Variants in SEC24A observed in about 807,000 individuals in gnomAD.
SEC24A encodes SEC24 homolog A, COPII component.
In SEC24A, 93 loss-of-function variants were observed where a neutral mutation model predicts 129.4. The ratio of observed to expected loss-of-function variants is 0.72; its 90% CI spans 0.61 to 0.85. SEC24A has a LOEUF of 0.85. SEC24A is among the 40% of genes least tolerant of loss of function. SEC24A has a pLI of 0.00. For synonymous variants in SEC24A, 460 were observed against 467.3 expected (o/e 0.98, Z 0.20); for missense variants, 1,264 against 1,307.4 (o/e 0.97, Z 0.51).
chr5:134,683,167 C>T (rs1751332939), intron 9 of SEC24A, among the ~76,000 whole-genome samples: 1 of 151,932 alleles, frequency 6.6e-6, no homozygotes, highest in African/African-American at 2.4e-5. Flanking sequence ...GGATTATAGG[C>T]GCGAGCCAAC....
rs560760476 is a variant in SEC24A, at chr5:134,686,681, C to T, written c.1492-109C>T. ...CTTTGCCTGTTTATTATAATCTCTA[C>T]TCAATCTGTAAATAATGCTTTTTAA... On this transcript the variant is annotated intron_variant, in intron 9 of 22. Coordinates refer to ENST00000398844, the MANE Select transcript of SEC24A (RefSeq NM_021982.3). The T allele has an allele frequency of 3.8e-5, 22 of 576,160 alleles. No individual in the cohort carries two copies. In the East Asian group the frequency reaches 6.5e-4, roughly 17 times the overall value. 35.7% of individuals were successfully genotyped at this position (576,160 alleles called of 1,614,324 possible). A position where few individuals can be genotyped will look rare whatever the true frequency, so the allele number is the denominator to read the frequency against.
rs79277248 is a variant in SEC24A, at chr5:134,670,618, T to C, written c.740-1191T>C. ...TTTAATTCTATTTTAGTGGTTGTCC[T>C]CTGGACTTAAAGCAGTTGTTCTAAT... On this transcript the variant is annotated intron_variant, in intron 3 of 22. Coordinates refer to ENST00000398844, the MANE Select transcript of SEC24A (RefSeq NM_021982.3). Among the ~76,000 whole-genome samples, 1,280 of 152,348 alleles carry C rather than the reference T, an allele frequency of 8.4e-3. 10 individuals are homozygous for C. The highest frequency in any genetic ancestry group is 0.029 in the African/African-American group (1,205 of 41,586).
At chr5:134,702,300 C>T (rs1177876879) in intron 15 of SEC24A, among the ~76,000 whole-genome samples, 3 of 152,208 alleles carry the variant, frequency 2.0e-5, no homozygotes, top group Non-Finnish European at 4.4e-5. Flanking sequence ...CAGGCACATG[C>T]CACCATGCCC....
intron 1 of SEC24A, among the ~76,000 whole-genome samples, chr5:134,660,694 T>C (rs1188482295): frequency 6.6e-6 from 1 of 151,706 alleles, no homozygotes; most frequent in African/African-American, 2.4e-5. Flanking sequence ...TAGCTAAGAC[T>C]ACAGGCGCAT....
intron 17 of SEC24A, among the ~76,000 whole-genome samples, chr5:134,707,177 C>G (rs550105527): frequency 1.3e-5 from 2 of 152,190 alleles, no homozygotes; most frequent in South Asian, 4.2e-4. Context: ...CTGTCTGTAT[C>G]AGGAATAGTT....
At position 134,674,702 on chromosome 5, in the gene SEC24A, C is replaced by T. The variant is rs17851746; in HGVS notation, c.905C>T (p.Thr302Ile). The T allele has an allele frequency of 6.2e-7, 1 of 1,614,042 alleles. No homozygotes were observed. The highest frequency in any genetic ancestry group is 8.5e-7 in the Non-Finnish European group (1 of 1,179,910). ...TCCTTACCACCTGGTTATCAGAACA[C>T]AACACCACCTGGTGCAACTGGAGTA... ...YPSLPPGYQN[T>I]TPPGATGVPP... is the part of the protein sequence containing the mutation. The change falls in exon 5 of 23, where the codon ACA (threonine) becomes ATA (isoleucine). Residue 302 changes from threonine to isoleucine, a missense_variant. Coordinates refer to ENST00000398844, the MANE Select transcript of SEC24A (RefSeq NM_021982.3).
chr5:134,723,569 A>G lies in SEC24A; in HGVS notation c.3066A>G (p.Thr1022=). 1.2e-6 allele frequency: 2 copies of G among 1,603,666 alleles called. No individual in the cohort carries two copies. The highest frequency in any genetic ancestry group is 1.7e-6 in the Non-Finnish European group (2 of 1,170,744). The change falls in exon 22 of 23, where the codon ACA becomes ACG. Residue 1022 remains threonine (T), a splice_region_variant and synonymous_variant. Transcript: ENST00000398844. ...QNYASIPQPM[T]DLPELDTPES... ...ATATTGTTGGTTTTGGTTAACAGAC[A>G]GACCTTCCAGAACTTGATACACCAG...
intron 9 of SEC24A, among the ~76,000 whole-genome samples, chr5:134,686,450 T>C (rs552380896): frequency 6.6e-6 from 1 of 152,298 alleles, no homozygotes; most frequent in East Asian, 1.9e-4. Context: ...TTGGTCACGC[T>C]GGTCTCGAAC....
intron 1 of SEC24A, among the ~76,000 whole-genome samples, chr5:134,651,098 CTT>C (rs70976548): frequency 6.6e-5 from 9 of 136,442 alleles, no homozygotes; most frequent in Non-Finnish European, 9.3e-5. Context: ...TGTATTTTGC[CTT>C]TTTTTTTTTT....
intron 17 of SEC24A, among the ~76,000 whole-genome samples, chr5:134,707,113 A>C (rs1752188096): frequency 6.6e-6 from 1 of 152,220 alleles, no homozygotes. Context: ...TTGAGATTAC[A>C]GCTGTGAGTC....
In SEC24A at chr5:134,682,392, C is replaced by T; in HGVS notation, c.1401C>T (p.Tyr467=). Residue 467 remains tyrosine (Y), a synonymous_variant, in exon 9 of 23, where the codon TAC becomes TAT. Transcript: ENST00000398844. ...RVNDVPEEFL[Y]NPLTRVYGEP... ...ATATAGTTCCTGAAGAATTCTTGTACAACCCTTTGACCAGAGTTTATGGAG... is the reference window on the plus strand; with the variant it reads ...ATATAGTTCCTGAAGAATTCTTGTATAACCCTTTGACCAGAGTTTATGGAG... 1 of 1,594,278 alleles carries T rather than the reference C, an allele frequency of 6.3e-7. No individual in the cohort carries two copies. Among genetic ancestry groups the T allele is most frequent in the Non-Finnish European group, 8.6e-7 (1 of 1,163,536 alleles).
intron 1 of SEC24A, among the ~76,000 whole-genome samples, chr5:134,651,779 T>C (rs953394321): frequency 2.6e-5 from 4 of 151,918 alleles, no homozygotes; most frequent in African/African-American, 4.8e-5. Context: ...TGTTTTATTG[T>C]TCATCCTGCT....
rs747787314 is a variant in SEC24A, at chr5:134,686,817, C to T, written c.1519C>T (p.Leu507Phe). ...ACGACCACCTCAGCCTCCAGTGTAT[C>T]TCTTTGTATTTGATGTGTCTCACAA... ...MLRPPQPPVY[L>F]FVFDVSHNAV... The change falls in exon 10 of 23, where the codon CTC becomes TTC. Residue 507 changes from leucine to phenylalanine, a missense_variant. Physicochemically the swap from Leu to Phe is conservative, Grantham distance 22. Coordinates refer to ENST00000398844, the MANE Select transcript of SEC24A (RefSeq NM_021982.3). The T allele has an allele frequency of 2.5e-6, 4 of 1,607,076 alleles. No individual in the cohort carries two copies. In the East Asian group the frequency reaches 9.0e-5, roughly 36 times the overall value.
chr5:134,712,954 CAG>C (rs1350151950), intron 18 of SEC24A, among the ~76,000 whole-genome samples: 1 of 105,190 alleles, frequency 9.5e-6, no homozygotes, highest in Non-Finnish European at 1.7e-5. Flanking sequence ...TTTTTTGAGA[CAG>C]AGTCTCGCTC....
At chr5:134,716,962 C>T (rs1752494517) in intron 19 of SEC24A, among the ~76,000 whole-genome samples, 1 of 150,574 alleles carries the variant, frequency 6.6e-6, no homozygotes, top group Non-Finnish European at 1.5e-5. Flanking sequence ...TCACCGCAGC[C>T]TCCGCCTCCC....
chr5:134,652,351 T>C (rs1357151773), intron 1 of SEC24A, among the ~76,000 whole-genome samples: 1 of 149,900 alleles, frequency 6.7e-6, no homozygotes, highest in East Asian at 2.0e-4. Flanking sequence ...TGCAGTGGCG[T>C]GATCTTGGCT....
At chr5:134,717,308 C>T (rs1177530559) in intron 19 of SEC24A, among the ~76,000 whole-genome samples, 1 of 151,542 alleles carries the variant, frequency 6.6e-6, no homozygotes, top group South Asian at 2.1e-4. Flanking sequence ...GAGTTTGAGA[C>T]CAGCCTGGCC....
chr5:134,658,442 T>C (rs1750325696), intron 1 of SEC24A, among the ~76,000 whole-genome samples: 1 of 152,198 alleles, frequency 6.6e-6, no homozygotes, highest in Non-Finnish European at 1.5e-5. Flanking sequence ...GTTCTCACTC[T>C]GTAGCCCAGG....
At chr5:134,711,825 G>A (rs1752335086) in intron 18 of SEC24A, among the ~76,000 whole-genome samples, 1 of 151,890 alleles carries the variant, frequency 6.6e-6, no homozygotes, top group Admixed American at 6.6e-5. Context: ...TTGGCTCACT[G>A]CAAGCTCCAC....
Sources: allele counts gnomAD v4.1 joint callset (sites outside exome capture counted in the v4.1 genomes callset), GRCh38; gene constraint gnomAD v4.1.1; transcripts MANE v1.5; gene names NCBI Gene and HGNC (gene_info 2026-07-23, HGNC 2026-07-21).